Variants in PPP1R9A observed in about 807,000 individuals in gnomAD.
The protein encoded by PPP1R9A is protein phosphatase 1 regulatory subunit 9A.
Under a neutral mutation model 141.9 loss-of-function variants are expected in PPP1R9A, and 59 were observed. The ratio of observed to expected loss-of-function variants is 0.42; its 90% CI spans 0.34 to 0.52. The LOEUF (loss-of-function observed/expected upper bound fraction) is 0.52, where lower values mean the gene tolerates loss of function less well. PPP1R9A is among the 20% of genes least tolerant of loss of function. PPP1R9A has a pLI of 0.10. For synonymous variants in PPP1R9A, 500 were observed against 569.7 expected (o/e 0.88, Z 1.74); for missense variants, 1,444 against 1,611.9 (o/e 0.90, Z 1.78).
intron 17 of PPP1R9A, among the ~76,000 whole-genome samples, chr7:95,285,043 C>T (rs1805025754): frequency 6.6e-6 from 1 of 152,172 alleles, no homozygotes; most frequent in Admixed American, 6.5e-5. Context: ...TGGTAATGTT[C>T]ATGTTAAATG....
chr7:95,280,185 T>C (rs1053023536), intron 16 of PPP1R9A, among the ~76,000 whole-genome samples: 3 of 152,204 alleles, frequency 2.0e-5, no homozygotes, highest in Admixed American at 2.0e-4. Flanking sequence ...TGGTGGATGT[T>C]AGAACCTTAT....
At chr7:95,195,922 G>A (rs1202951512) in intron 5 of PPP1R9A, among the ~76,000 whole-genome samples, 1 of 152,082 alleles carries the variant, frequency 6.6e-6, no homozygotes, top group East Asian at 1.9e-4. Context: ...CAGGCATGGG[G>A]CACATGCTTG....
At chr7:95,231,846 G>C (rs1306779006) in intron 8 of PPP1R9A, among the ~76,000 whole-genome samples, 1 of 151,898 alleles carries the variant, frequency 6.6e-6, no homozygotes, top group East Asian at 1.9e-4. Context: ...GAAGAAACAA[G>C]AACAATCCAA....
intron 2 of PPP1R9A, among the ~76,000 whole-genome samples, chr7:95,024,107 T>C (rs1475838929): frequency 6.6e-6 from 1 of 152,216 alleles, no homozygotes; most frequent in Non-Finnish European, 1.5e-5. Context: ...GTGAGTTTCT[T>C]AATCCTGAGT....
At chr7:95,021,480 C>T (rs1031395230) in intron 2 of PPP1R9A, among the ~76,000 whole-genome samples, 2 of 151,434 alleles carry the variant, frequency 1.3e-5, no homozygotes, top group Admixed American at 6.6e-5. Flanking sequence ...TTAATTAGAT[C>T]CCATTTGTCA....
intron 2 of PPP1R9A, among the ~76,000 whole-genome samples, chr7:94,946,694 A>G (rs1758674369): frequency 6.6e-6 from 1 of 152,168 alleles, no homozygotes; most frequent in Admixed American, 6.5e-5. Context: ...GATGGAATAC[A>G]AAGACCCACA....
intron 2 of PPP1R9A, among the ~76,000 whole-genome samples, chr7:95,049,145 G>T (rs1470154333): frequency 6.6e-6 from 1 of 152,138 alleles, no homozygotes; most frequent in Non-Finnish European, 1.5e-5. Context: ...CCCACACCAT[G>T]CCGGAAAGAG....
At chr7:95,010,252 A>G (rs1434109721) in intron 2 of PPP1R9A, among the ~76,000 whole-genome samples, 1 of 152,010 alleles carries the variant, frequency 6.6e-6, no homozygotes, top group Non-Finnish European at 1.5e-5. Context: ...AATAATAATA[A>G]AAATAGCTGG....
intron 4 of PPP1R9A, among the ~76,000 whole-genome samples, chr7:95,130,357 G>A (rs1269556749): frequency 1.3e-5 from 2 of 152,194 alleles, no homozygotes; most frequent in South Asian, 2.1e-4. Flanking sequence ...GTGCACAAAA[G>A]TCAAGAATTG....
intron 2 of PPP1R9A, among the ~76,000 whole-genome samples, chr7:94,972,293 T>C (rs1798937806): frequency 6.6e-6 from 1 of 152,236 alleles, no homozygotes; most frequent in Non-Finnish European, 1.5e-5. Context: ...AAGATTCACA[T>C]TGATTTTGAC....
In PPP1R9A at chr7:94,965,300, C is replaced by T. The variant is rs550713140; in HGVS notation, c.1395+53792C>T. Among the ~76,000 whole-genome samples, 27 of 152,160 alleles carry T rather than the reference C, an allele frequency of 1.8e-4. 1 individual carries two copies. The highest frequency in any genetic ancestry group is 6.5e-4 in the Admixed American group (10 of 15,280). ...TTCACTCTGGTAATAGTTTCTTTTG[C>T]TGTGCAGAAGCTCTTTAATTTAATT... On this transcript the variant is annotated intron_variant, in intron 2 of 19. Transcript: ENST00000433360.
chr7:95,091,176 A>AT (rs1271816046), intron 2 of PPP1R9A, among the ~76,000 whole-genome samples: 1 of 151,656 alleles, frequency 6.6e-6, no homozygotes, highest in Non-Finnish European at 1.5e-5. Flanking sequence ...GTGTGCAGAA[A>AT]TATTTCTGTA....
chr7:95,031,898 TAGTC>T (rs113988404), intron 2 of PPP1R9A, among the ~76,000 whole-genome samples: 3,959 of 152,254 alleles, frequency 0.026, 162 homozygotes, highest in African/African-American at 0.09. Context: ...AAGTCATCTG[TAGTC>T]AGTCAGTCAG....
At chr7:95,054,032 A>G (rs773063389) in intron 2 of PPP1R9A, among the ~76,000 whole-genome samples, 11 of 152,212 alleles carry the variant, frequency 7.2e-5, no homozygotes, top group Non-Finnish European at 1.5e-4. Flanking sequence ...TTGAGTATAC[A>G]GAGAAGCATG....
In PPP1R9A at chr7:95,072,158, C is replaced by T. The variant is rs576647231; in HGVS notation, c.1396-39101C>T. 2.0e-5 allele frequency among the ~76,000 whole-genome samples: 3 copies of T among 149,564 alleles called. No homozygotes were observed. The South Asian group carries it at 6.3e-4, about 31-fold the overall frequency. On this transcript the variant is annotated intron_variant, in intron 2 of 19. Transcript: ENST00000433360. ...TATTAACCAAACTTCTCTTTTGTTA[C>T]TTACTTCTTTTTAAAGGGAAACTGT...
At position 94,944,061 on chromosome 7, in the gene PPP1R9A, A is replaced by G. The variant is rs531956622; in HGVS notation, c.1395+32553A>G. 2.0e-5 allele frequency among the ~76,000 whole-genome samples: 3 copies of G among 152,226 alleles called. No individual in the cohort carries two copies. In the East Asian group the frequency reaches 5.8e-4, roughly 29 times the overall value. Reference sequence around the variant, plus strand: ...ATAGTTGTATACATTTTGGGGGTATATGTGATATTTTGATACATGTATACA... The same window carrying G: ...ATAGTTGTATACATTTTGGGGGTATGTGTGATATTTTGATACATGTATACA... On this transcript the variant is annotated intron_variant, in intron 2 of 19. Coordinates refer to ENST00000433360, the MANE Select transcript of PPP1R9A (RefSeq NM_001166160.2).
intron 14 of PPP1R9A, among the ~76,000 whole-genome samples, chr7:95,272,412 T>G (rs1210156843): frequency 1.3e-5 from 2 of 152,226 alleles, no homozygotes; most frequent in Non-Finnish European, 2.9e-5. Flanking sequence ...CTATGGATTT[T>G]TTTATATGAT....
chr7:95,258,623 AT>A (rs1799964727), intron 12 of PPP1R9A, among the ~76,000 whole-genome samples: 1 of 152,196 alleles, frequency 6.6e-6, no homozygotes, highest in South Asian at 2.1e-4. Flanking sequence ...TAAGAAAAAA[AT>A]ATTGTTGTCC....
At chr7:95,152,900 G>A (rs971343976) in intron 4 of PPP1R9A, among the ~76,000 whole-genome samples, 1 of 147,446 alleles carries the variant, frequency 6.8e-6, no homozygotes, top group Non-Finnish European at 1.5e-5. Flanking sequence ...CCAGGCTGGA[G>A]TGCAGTGGCA....
Sources: gnomAD v4.1 joint callset for allele counts (sites outside exome capture counted in the v4.1 genomes callset) on GRCh38, gnomAD v4.1.1 for gene constraint, MANE v1.5 for transcripts, NCBI Gene and HGNC (gene_info 2026-07-23, HGNC 2026-07-21) for gene names.